The following AGBL4 variants were observed in gnomAD, a reference collection of about 807,000 sequenced individuals.
The protein encoded by AGBL4 is AGBL carboxypeptidase 4.
In AGBL4, 58 loss-of-function variants were observed where a neutral mutation model predicts 66.4. The ratio of observed to expected loss-of-function variants is 0.87; its 90% confidence interval spans 0.71 to 1.09. The LOEUF is 1.09. Ranked by LOEUF, AGBL4 falls within the 50% of genes least tolerant of loss-of-function variation. The probability of loss-of-function intolerance (pLI) is 0.00; values close to 1 mark genes in which losing one functional copy is unlikely to be tolerated. For synonymous variants in AGBL4, 234 were observed against 222.9 expected, an observed-to-expected ratio of 1.05 and a Z score of -0.44; for missense variants, 579 against 631.0, an observed-to-expected ratio of 0.92 and a Z score of 0.88.
chr1:49,302,791 A>G (rs1644778440), intron 3 of AGBL4, among the ~76,000 whole-genome samples: 1 of 151,692 alleles, frequency 6.6e-6, no homozygotes, highest in South Asian at 2.1e-4. Flanking sequence ...CACATGCATT[A>G]GCTATTTATC....
At chr1:48,573,470 G>A (rs2148320140) in intron 11 of AGBL4, among the ~76,000 whole-genome samples, 1 of 152,280 alleles carries the variant, frequency 6.6e-6, no homozygotes, top group African/African-American at 2.4e-5. Flanking sequence ...TTCTAGCAGA[G>A]CATCAAATAC....
intron 5 of AGBL4, among the ~76,000 whole-genome samples, chr1:49,015,392 ATATT>A (rs1662737068): frequency 1.3e-5 from 2 of 151,640 alleles, no homozygotes; most frequent in Admixed American, 1.3e-4. Flanking sequence ...ATAATTATAA[ATATT>A]TATCTAGATG....
intron 4 of AGBL4, among the ~76,000 whole-genome samples, chr1:49,188,597 C>A (rs1647057788): frequency 6.6e-6 from 1 of 151,986 alleles, no homozygotes; most frequent in Non-Finnish European, 1.5e-5. Flanking sequence ...CTTGAATGAA[C>A]AAATAAACAA....
chr1:49,742,465 G>A (rs1314656277), intron 2 of AGBL4, among the ~76,000 whole-genome samples: 1 of 151,858 alleles, frequency 6.6e-6, no homozygotes, highest in Non-Finnish European at 1.5e-5. Context: ...TCATGAAAAT[G>A]GCCATACTGC....
chr1:49,112,384 A>T (rs1645429699), intron 4 of AGBL4, among the ~76,000 whole-genome samples: 1 of 152,230 alleles, frequency 6.6e-6, no homozygotes, highest in Admixed American at 6.5e-5. Flanking sequence ...GTTTGCCTTC[A>T]TGTTCACGGC....
chr1:48,671,023 T>A (rs1646268488), intron 6 of AGBL4, among the ~76,000 whole-genome samples: 1 of 152,220 alleles, frequency 6.6e-6, no homozygotes, highest in Non-Finnish European at 1.5e-5. Flanking sequence ...GGGCTGGCCC[T>A]GTGTCCTGAA....
chr1:49,687,239 G>A (rs1431774141), intron 3 of AGBL4, among the ~76,000 whole-genome samples: 1 of 152,144 alleles, frequency 6.6e-6, no homozygotes, highest in Non-Finnish European at 1.5e-5. Context: ...ACCACAGTTG[G>A]AAGACAACTG....
At chr1:49,507,411 A>G (rs1570905012) in intron 3 of AGBL4, among the ~76,000 whole-genome samples, 1 of 152,158 alleles carries the variant, frequency 6.6e-6, no homozygotes, top group East Asian at 1.9e-4. Flanking sequence ...AAAAGCTAAT[A>G]TATTTACCAA....
chr1:49,427,369 G>T (rs1184531584), intron 3 of AGBL4, among the ~76,000 whole-genome samples: 2 of 151,978 alleles, frequency 1.3e-5, no homozygotes, highest in African/African-American at 2.4e-5. Context: ...AATCTGAGAG[G>T]AGAAAAAAAG....
chr1:49,575,810 A>G (rs759767966), intron 3 of AGBL4, among the ~76,000 whole-genome samples: 11 of 152,236 alleles, frequency 7.2e-5, no homozygotes, highest in Non-Finnish European at 1.2e-4. Flanking sequence ...AAGGCCAGCA[A>G]TATAACTTTA....
intron 4 of AGBL4, among the ~76,000 whole-genome samples, chr1:49,077,895 T>C (rs906976729): frequency 1.1e-4 from 17 of 152,112 alleles, no homozygotes; most frequent in Admixed American, 1.0e-3. Flanking sequence ...AAAAGTATGA[T>C]AATGTTAATA....
chr1:49,850,932 C>T (rs1646287424), intron 2 of AGBL4, among the ~76,000 whole-genome samples: 1 of 152,018 alleles, frequency 6.6e-6, no homozygotes, highest in South Asian at 2.1e-4. Context: ...CAGCATTTGC[C>T]AATTACGAGG....
intron 6 of AGBL4, among the ~76,000 whole-genome samples, chr1:48,799,233 G>A (rs1429706563): frequency 1.3e-5 from 2 of 151,662 alleles, no homozygotes; most frequent in African/African-American, 2.4e-5. Flanking sequence ...ATATTCCTAA[G>A]TATTTTATTT....
At chr1:49,145,914 C>A (rs942327989) in intron 4 of AGBL4, among the ~76,000 whole-genome samples, 1 of 152,140 alleles carries the variant, frequency 6.6e-6, no homozygotes, top group African/African-American at 2.4e-5. Context: ...TAATGGAGTA[C>A]TGTTCAGCAA....
At chr1:49,252,579 CAAG>C (rs1180717607) in intron 3 of AGBL4, among the ~76,000 whole-genome samples, 1 of 152,068 alleles carries the variant, frequency 6.6e-6, no homozygotes, top group African/African-American at 2.4e-5. Context: ...AGATACTTCA[CAAG>C]AAGATCATCC....
intron 6 of AGBL4, among the ~76,000 whole-genome samples, chr1:48,783,168 T>C (rs922207101): frequency 6.6e-6 from 1 of 152,192 alleles, no homozygotes; most frequent in African/African-American, 2.4e-5. Flanking sequence ...GCCACTGTCT[T>C]CTCAGGTTGA....
chr1:49,422,361 G>A (rs1312282297), intron 3 of AGBL4, among the ~76,000 whole-genome samples: 1 of 152,102 alleles, frequency 6.6e-6, no homozygotes, highest in Non-Finnish European at 1.5e-5. Flanking sequence ...ACAAATAAAT[G>A]GAGATATGAT....
At chr1:48,552,204 C>G (rs973274821) in intron 11 of AGBL4, among the ~76,000 whole-genome samples, 1 of 152,102 alleles carries the variant, frequency 6.6e-6, no homozygotes, top group Admixed American at 6.5e-5. Flanking sequence ...GCTGGGACTA[C>G]AGGTGTGTGC....
chr1:49,139,201 C>G (rs1395684114), intron 4 of AGBL4, among the ~76,000 whole-genome samples: 1 of 152,094 alleles, frequency 6.6e-6, no homozygotes, highest in Non-Finnish European at 1.5e-5. Flanking sequence ...GACACAGAAC[C>G]AAACCATATC....
Sources: gnomAD v4.1 joint callset for allele counts (sites outside exome capture counted in the v4.1 genomes callset) on GRCh38, gnomAD v4.1.1 for gene constraint, MANE v1.5 for transcripts, NCBI Gene and HGNC (gene_info 2026-07-23, HGNC 2026-07-21) for gene names.